LMTK2: variants seen among roughly 807,000 people sequenced by gnomAD.
The protein encoded by LMTK2 is lemur tail kinase 2, also known as serine/threonine-protein kinase LMTK2.
LMTK2 carries 37 observed loss-of-function variants against 127.5 expected under a neutral mutation model. The observed-to-expected ratio is 0.29, with a 90% CI of 0.22 to 0.38. LMTK2 has a LOEUF of 0.38. LMTK2 is among the 10% of genes least tolerant of loss of function. The pLI is 1.00. For missense variants in LMTK2, 1,694 were observed against 1,920.3 expected (o/e 0.88, Z 2.20); for synonymous variants, 819 against 810.1 (o/e 1.01, Z -0.19).
intron 7 of LMTK2, among the ~76,000 whole-genome samples, chr7:98,178,412 G>A (rs986966286): frequency 2.6e-5 from 4 of 152,152 alleles, no homozygotes; most frequent in African/African-American, 7.2e-5. Flanking sequence ...TCAGAACCGC[G>A]AGCTCCCACT....
chr7:98,207,289 G>C lies in LMTK2; in HGVS notation c.*1797G>C, dbSNP rs1797820459. ...CCTGGGGTACACGGAAGGAAGTTGAGTCCTAGTGCAAAATGCAGGCGGACG... is the reference window on the plus strand; with the variant it reads ...CCTGGGGTACACGGAAGGAAGTTGACTCCTAGTGCAAAATGCAGGCGGACG... On this transcript the variant is annotated 3_prime_UTR_variant, in exon 14 of 14. Coordinates refer to ENST00000297293, the MANE Select transcript of LMTK2 (RefSeq NM_014916.4). 1 of 152,250 alleles carries C rather than the reference G, an allele frequency of 6.6e-6. No individual in the cohort carries two copies. The highest frequency in any genetic ancestry group is 2.4e-5 in the African/African-American group (1 of 41,452). The allele number at this position is 152,250 out of a possible 1,614,324, so 9.4% of individuals were successfully genotyped here.
chr7:98,107,333 AG>A, intron 1 of LMTK2, 53 bp downstream of exon 1: 1 of 619,642 alleles, frequency 1.6e-6, no homozygotes, highest in East Asian at 2.5e-4. Flanking sequence ...CGTGGAGGGG[AG>A]GGGGCGGCAG....
At chr7:98,127,147 G>A (rs888950482) in intron 1 of LMTK2, among the ~76,000 whole-genome samples, 2 of 152,226 alleles carry the variant, frequency 1.3e-5, no homozygotes, top group African/African-American at 4.8e-5. Context: ...AAACCTTGAT[G>A]ATAGATGGGT....
In LMTK2 at chr7:98,171,963, C is replaced by T. The variant is rs1420843272; in HGVS notation, c.791+289C>T. Reference sequence around the variant, plus strand: ...GTTGGGAGTAAACAGTCCCGATCCACCGTATGACACCTCGCGTGTTTCATC... The same window carrying T: ...GTTGGGAGTAAACAGTCCCGATCCATCGTATGACACCTCGCGTGTTTCATC... On this transcript the variant is annotated intron_variant, in intron 7 of 13. Coordinates refer to ENST00000297293, the MANE Select transcript of LMTK2 (RefSeq NM_014916.4). This position sits in a 1 kb window ranked among gnomAD's most constrained non-coding sequence, Gnocchi z 5.1. Among the ~76,000 whole-genome samples the T allele has an allele frequency of 3.9e-5, 6 of 152,238 alleles. No individual in the cohort carries two copies. The highest frequency in any genetic ancestry group is 2.1e-4 in the South Asian group (1 of 4,834).
chr7:98,126,150 A>G (rs1796440930), intron 1 of LMTK2, among the ~76,000 whole-genome samples: 1 of 152,226 alleles, frequency 6.6e-6, no homozygotes, highest in African/African-American at 2.4e-5. Flanking sequence ...TCTGTCCTAC[A>G]TGGGAAGTAA....
Position 98,194,065 on chromosome 7 carries a change from T to G in LMTK2, c.3600T>G (p.Ser1200Arg). 6.2e-7 allele frequency: 1 copy of G among 1,614,074 alleles called. No homozygotes were observed. Residue 1200 changes from serine to arginine, a missense_variant, in exon 11 of 14, where the codon AGT (serine) becomes AGG (arginine). By Grantham distance (110) the Ser-to-Arg change is moderately radical. Coordinates refer to ENST00000297293, the MANE Select transcript of LMTK2 (RefSeq NM_014916.4). The surrounding 1 kb of genome is among the most constrained non-coding windows in gnomAD (Gnocchi z 5.4). ...ATCCCACGGAAGACGAGGCCAGCAG[T>G]CCCTGGAGTGTGCTGAATGCAGAAC... ...QVHPTEDEAS[S>R]PWSVLNAELS... is the part of the protein sequence containing the mutation.
intron 1 of LMTK2, among the ~76,000 whole-genome samples, chr7:98,131,477 C>G (rs144629064): frequency 5.3e-5 from 8 of 151,858 alleles, no homozygotes; most frequent in African/African-American, 1.7e-4. Context: ...TCACATGTCT[C>G]GCTATTCATA....
chr7:98,161,349 C>T (rs1797013747), intron 6 of LMTK2, among the ~76,000 whole-genome samples: 1 of 152,010 alleles, frequency 6.6e-6, no homozygotes, highest in South Asian at 2.1e-4. Context: ...ACTCCTAGAG[C>T]TCTCTCTCCA....
In LMTK2 at chr7:98,110,570, A is replaced by G. The variant is rs376132140; in HGVS notation, c.103+3290A>G. Reference sequence around the variant, plus strand: ...ACAGTTCAGTTCTTTTCCCCAGATCATAGTTATCAGATCATTCTTCTCTTA... The same window carrying G: ...ACAGTTCAGTTCTTTTCCCCAGATCGTAGTTATCAGATCATTCTTCTCTTA... On this transcript the variant is annotated intron_variant, in intron 1 of 13. Transcript: ENST00000297293. 6.0e-4 allele frequency among the ~76,000 whole-genome samples: 91 copies of G among 152,358 alleles called. No homozygotes were observed. In the East Asian group the frequency reaches 0.015, roughly 25 times the overall value.
In LMTK2 at chr7:98,193,886, C is replaced by T. The variant is rs751635625; in HGVS notation, c.3421C>T (p.Leu1141Phe). Residue 1141 changes from leucine to phenylalanine, a missense_variant, in exon 11 of 14, where the codon CTC becomes TTC. Physicochemically the swap from Leu to Phe is conservative, Grantham distance 22. Transcript: ENST00000297293. This position sits in a 1 kb window ranked among gnomAD's most constrained non-coding sequence, Gnocchi z 4.1. The part of the protein sequence containing the change: ...VQEQPLPEPV[L>F]PEQSPAAQDS... ...GGAGCAGCCCCTACCCGAGCCAGTC[C>T]TCCCCGAGCAAAGTCCTGCTGCCCA... 9.3e-6 allele frequency: 15 copies of T among 1,614,020 alleles called. No homozygotes were observed. Among genetic ancestry groups the T allele is most frequent in the Admixed American group, 1.7e-5 (1 of 60,000 alleles).
At chr7:98,159,856 A>G (rs1050378130) in intron 6 of LMTK2, among the ~76,000 whole-genome samples, 1 of 152,178 alleles carries the variant, frequency 6.6e-6, no homozygotes, top group African/African-American at 2.4e-5. Context: ...CGCTTTACCT[A>G]GAGTACTCCT....
chr7:98,159,657 A>C (rs191685217), intron 6 of LMTK2, among the ~76,000 whole-genome samples: 1 of 152,308 alleles, frequency 6.6e-6, no homozygotes, highest in East Asian at 1.9e-4. Context: ...GCCTTACCAC[A>C]CTTAATGATA....
intron 6 of LMTK2, among the ~76,000 whole-genome samples, chr7:98,168,058 A>G (rs879885314): frequency 6.6e-5 from 10 of 152,188 alleles, no homozygotes; most frequent in Non-Finnish European, 1.5e-4. Context: ...GCTGCCACTG[A>G]ATGGTGGATG....
chr7:98,143,365 A>G (rs1476491499), intron 3 of LMTK2, among the ~76,000 whole-genome samples: 2 of 152,226 alleles, frequency 1.3e-5, no homozygotes, highest in Admixed American at 6.5e-5. Flanking sequence ...AATATTCTGT[A>G]TAGAAAAAGA....
At chr7:98,111,650 T>G (rs1796202997) in intron 1 of LMTK2, among the ~76,000 whole-genome samples, 1 of 152,232 alleles carries the variant, frequency 6.6e-6, no homozygotes, top group Admixed American at 6.5e-5. Context: ...GTGTACCCTC[T>G]CACACTAGAT....
intron 1 of LMTK2, among the ~76,000 whole-genome samples, chr7:98,110,952 A>G (rs1796194129): frequency 6.6e-6 from 1 of 152,272 alleles, no homozygotes; most frequent in East Asian, 1.9e-4. Flanking sequence ...AATGCTTTCT[A>G]AAGTATGAAT....
At chr7:98,186,728 C>A in intron 8 of LMTK2, 149 bp from the exon 9 acceptor site, 1 of 645,824 alleles carries the variant, frequency 1.5e-6, no homozygotes. Flanking sequence ...CCACTTTCTG[C>A]CCAGAAAGTC....
In LMTK2 at chr7:98,194,279, T is replaced by A; in HGVS notation, c.3814T>A (p.Ser1272Thr). 6.2e-7 allele frequency: 1 copy of A among 1,614,042 alleles called. No homozygotes were observed. The highest frequency in any genetic ancestry group is 8.5e-7 in the Non-Finnish European group (1 of 1,180,006). ...GAAGTACCTGGGGAAACTCGGGGTG[T>A]CAGGGATGCTCGACCTCTCAGAGGA... Reference protein sequence around the residue: ...EGKYLGKLGVSGMLDLSEDGM... With the variant: ...EGKYLGKLGVTGMLDLSEDGM... The change falls in exon 11 of 14, where the codon TCA becomes ACA. Residue 1272 changes from serine (S) to threonine (T), a missense_variant. Around this residue, in one of 8 missense-constraint regions of LMTK2, gnomAD observed 554 missense variants for 567.7 expected, o/e 0.98. Coordinates refer to ENST00000297293, the MANE Select transcript of LMTK2 (RefSeq NM_014916.4). This position sits in a 1 kb window ranked among gnomAD's most constrained non-coding sequence, Gnocchi z 5.4.
rs1395266767 is a variant in LMTK2, at chr7:98,192,131, G to A, written c.1666G>A (p.Glu556Lys). ...SVGSDYYIQL[E>K]EKSGSNLELD... ...TGGAAGCGACTATTATATCCAGTTA[G>A]AAGAAAAAAGTGGTAGTAACTTGGA... Residue 556 changes from glutamate to lysine, a missense_variant, in exon 11 of 14, where the codon GAA becomes AAA. Transcript: ENST00000297293. The A allele has an allele frequency of 6.5e-7, 1 of 1,533,636 alleles. No homozygotes were observed. The highest frequency in any genetic ancestry group is 2.2e-5 in the Admixed American group (1 of 46,104).
Sources: gnomAD v4.1 joint callset for allele counts (sites outside exome capture counted in the v4.1 genomes callset) on GRCh38, gnomAD v4.1.1 for gene constraint, gnomAD v4.1.1 regional missense constraint, Gnocchi (gnomAD v3.1) non-coding constraint, MANE v1.5 for transcripts, NCBI Gene and HGNC (gene_info 2026-07-23, HGNC 2026-07-21) for gene names.